ALS2: variants seen among roughly 807,000 people sequenced by gnomAD.
ALS2 encodes the protein alsin.
Under a neutral mutation model 203.4 loss-of-function variants are expected in ALS2, and 117 were observed. The ratio of observed to expected loss-of-function variants is 0.58; its 90% CI spans 0.50 to 0.67. The LOEUF (loss-of-function observed/expected upper bound fraction) is 0.67, where lower values mean the gene tolerates loss of function less well. Ranked by LOEUF, ALS2 falls within the 30% of genes least tolerant of loss-of-function variation. ALS2 has a pLI of 0.00. For missense variants in ALS2, 1,715 were observed against 1,989.4 expected (o/e 0.86, Z 2.62); for synonymous variants, 718 against 725.9 (o/e 0.99, Z 0.17).
chr2:201,743,534 G>C (rs186161102), intron 10 of ALS2, among the ~76,000 whole-genome samples: 1 of 152,068 alleles, frequency 6.6e-6, no homozygotes, highest in Admixed American at 6.6e-5. Flanking sequence ...ACCCAGGCTG[G>C]ACTGCAGTGG....
rs35807671 is a variant in ALS2, at chr2:201,713,133, CT to C, written c.4005-2026del. Reference sequence around the variant, plus strand: ...CCCTCATTCTTTCTCCTTTTCTTTTCTTTTTTTTTTTTTTTTTTTTGAGATG... The same window carrying C: ...CCCTCATTCTTTCTCCTTTTCTTTTCTTTTTTTTTTTTTTTTTTTGAGATG... On this transcript the variant is annotated intron_variant, in intron 25 of 33. Coordinates refer to ENST00000264276, the MANE Select transcript of ALS2 (RefSeq NM_020919.4). 6.4e-3 allele frequency among the ~76,000 whole-genome samples: 614 copies of C among 96,264 alleles called. 2 individuals carry two copies. The highest frequency in any genetic ancestry group is 0.023 in the African/African-American group (597 of 25,516). 63.2% of individuals were successfully genotyped at this position (96,264 alleles called of 152,430 possible). A position where few individuals can be genotyped will look rare whatever the true frequency, so the allele number is the denominator to read the frequency against.
chr2:201,751,234 T>C (rs1693030510), intron 7 of ALS2, among the ~76,000 whole-genome samples: 1 of 152,234 alleles, frequency 6.6e-6, no homozygotes, highest in Admixed American at 6.5e-5. Context: ...GATAAATTCC[T>C]AGGCAAAGAC....
chr2:201,717,111 T>C (rs1398888151), intron 24 of ALS2, among the ~76,000 whole-genome samples: 1 of 152,002 alleles, frequency 6.6e-6, no homozygotes, highest in African/African-American at 2.4e-5. Flanking sequence ...ACTTGGGGTG[T>C]GTGTGTGTGT....
At chr2:201,719,357 A>G (rs1690609305) in intron 23 of ALS2, among the ~76,000 whole-genome samples, 1 of 152,136 alleles carries the variant, frequency 6.6e-6, no homozygotes, top group Non-Finnish European at 1.5e-5. Context: ...TTGGGAGGCC[A>G]AGGTGGGCAG....
chr2:201,728,616 G>A lies in ALS2; in HGVS notation c.2737C>T (p.Arg913Ter), dbSNP rs371140239. The A allele has an allele frequency of 5.6e-6, 9 of 1,613,958 alleles. No individual in the cohort carries two copies. The highest frequency in any genetic ancestry group is 2.2e-5 in the East Asian group (1 of 44,896). The change falls in exon 15 of 34, where the codon CGA (arginine) becomes TGA (stop). Residue 913 changes from arginine to a stop codon, truncating the protein, a stop_gained. Coordinates refer to ENST00000264276, the MANE Select transcript of ALS2 (RefSeq NM_020919.4). LOFTEE classifies it high-confidence loss of function. Reference protein sequence around the residue: ...MTDSLRKPERRLLCESSNRAL... With the variant: ...MTDSLRKPER ...CGGTTACTACTCTCACACAGCAGTC[G>A]ACGCTCTGGCTTCCTCAAGGAATCC... is the stretch of plus-strand genomic sequence containing the variant.
At chr2:201,740,730 GA>G (rs1692215698) in intron 11 of ALS2, among the ~76,000 whole-genome samples, 1 of 152,184 alleles carries the variant, frequency 6.6e-6, no homozygotes, top group Non-Finnish European at 1.5e-5. Context: ...GGTTGGAAAG[GA>G]AATACACTAA....
intron 3 of ALS2, chr2:201,765,359 T>C (rs1158145863): frequency 6.3e-6 from 1 of 159,238 alleles, no homozygotes; most frequent in Non-Finnish European, 1.5e-5. Flanking sequence ...ATATTCCAAA[T>C]ATCTTATTGA....
Position 201,723,430 on chromosome 2 carries a change from T to A in ALS2, c.3524A>T (p.Tyr1175Phe). Residue 1175 changes from tyrosine (Y) to phenylalanine (F), a missense_variant, in exon 22 of 34, where the codon TAT becomes TTT. Tyr to Phe is a conservative substitution (Grantham distance 22). This residue lies in a region of ALS2 where 1,227 missense variants were observed against 1,413.5 expected (regional missense o/e 0.87). Transcript: ENST00000264276. ...VFDDITRGEKYMGMWQDDVCQ... is the reference protein window; with the variant it reads ...VFDDITRGEKFMGMWQDDVCQ... ...CACATCATCTTGCCACATTCCCATA[T>A]ACTTTTCCCCCCTGCACAGAAATAA... 6.2e-7 allele frequency: 1 copy of A among 1,613,576 alleles called. No homozygotes were observed. The highest frequency in any genetic ancestry group is 1.1e-5 in the South Asian group (1 of 91,078).
intron 24 of ALS2, among the ~76,000 whole-genome samples, chr2:201,717,805 T>TA (rs1414934180): frequency 2.6e-5 from 4 of 151,820 alleles, no homozygotes; most frequent in African/African-American, 9.7e-5. Context: ...CCGGGCATGG[T>TA]AGCGGGTGCC....
At chr2:201,757,950 C>T (rs1693501784) in intron 4 of ALS2, among the ~76,000 whole-genome samples, 191 bp from the exon 5 acceptor site, 1 of 152,174 alleles carries the variant, frequency 6.6e-6, no homozygotes, top group Non-Finnish European at 1.5e-5. Flanking sequence ...GAAATGAGTA[C>T]TCAAAATACA....
At chr2:201,717,961 TA>T (rs1274396788) in intron 24 of ALS2, 115 bp downstream of exon 24, 3 of 1,060,618 alleles carry the variant, frequency 2.8e-6, no homozygotes, top group East Asian at 2.7e-5. Context: ...TAAAATAAAA[TA>T]AAAAAGAAGA....
intron 9 of ALS2, among the ~76,000 whole-genome samples, 194 bp from the exon 10 acceptor site, chr2:201,744,623 T>G (rs1471121897): frequency 6.6e-6 from 1 of 152,126 alleles, no homozygotes; most frequent in Non-Finnish European, 1.5e-5. Flanking sequence ...AGACTAGGGT[T>G]TTTTTTGGGG....
At chr2:201,770,052 A>C (rs1421145025) in intron 1 of ALS2, among the ~76,000 whole-genome samples, 1 of 152,280 alleles carries the variant, frequency 6.6e-6, no homozygotes, top group Non-Finnish European at 1.5e-5. Flanking sequence ...CATTTAATAA[A>C]TACAATTAAG....
In ALS2 at chr2:201,701,078, A is replaced by G. The variant is rs1341368505; in HGVS notation, c.*773T>C. 1 of 152,658 alleles carries G rather than the reference A, an allele frequency of 6.6e-6. No homozygotes were observed. Among genetic ancestry groups the G allele is most frequent in the Non-Finnish European group, 1.5e-5 (1 of 68,042 alleles). The allele number at this position is 152,658 out of a possible 1,614,324, so 9.5% of individuals were successfully genotyped here. The stretch of plus-strand genomic sequence containing the variant: ...AGGCCTTGGAATACAGCGTTTGCAC[A>G]TGGACAAATGAGGTTCCTAGCAGCT... On this transcript the variant is annotated 3_prime_UTR_variant, in exon 34 of 34. Transcript: ENST00000264276.
intron 10 of ALS2, among the ~76,000 whole-genome samples, chr2:201,743,409 C>T (rs1420207396): frequency 4.6e-5 from 7 of 152,118 alleles, no homozygotes; most frequent in South Asian, 2.1e-4. Context: ...TGTATTACCC[C>T]GTCACTTCCA....
rs10655798 is a variant in ALS2, at chr2:201,769,002, TA to T, written c.-60-58del. 0.17 allele frequency: 102,304 copies of T among 597,952 alleles called. No individual in the cohort carries two copies. The highest frequency in any genetic ancestry group is 0.19 in the Non-Finnish European group (69,647 of 367,132). 37.0% of individuals were successfully genotyped at this position (597,952 alleles called of 1,614,324 possible). A position where few individuals can be genotyped will look rare whatever the true frequency, so the allele number is the denominator to read the frequency against. On this transcript the variant is annotated intron_variant, in intron 1 of 33. Coordinates refer to ENST00000264276, the MANE Select transcript of ALS2 (RefSeq NM_020919.4). ...AAAGAATATTTTACCCCTCAGACAT[TA>T]AAAAAAAAAAAAGCAGCCCTCTAAC...
intron 13 of ALS2, 103 bp downstream of exon 13, chr2:201,733,173 T>C: frequency 8.2e-7 from 1 of 1,214,936 alleles, no homozygotes; most frequent in Non-Finnish European, 1.2e-6. Context: ...CACAGGTAAA[T>C]ATTAAATTAC....
At chr2:201,714,636 A>G (rs1171928383) in intron 25 of ALS2, among the ~76,000 whole-genome samples, 1 of 152,190 alleles carries the variant, frequency 6.6e-6, no homozygotes. Context: ...AGAATCCCTA[A>G]AACAGCAGAT....
chr2:201,737,204 G>T (rs975362561), intron 12 of ALS2, among the ~76,000 whole-genome samples: 1 of 152,112 alleles, frequency 6.6e-6, no homozygotes, highest in African/African-American at 2.4e-5. Context: ...TATTTTATTA[G>T]ATGTTATAAG....
Sources: allele counts gnomAD v4.1 joint callset (sites outside exome capture counted in the v4.1 genomes callset), GRCh38; gene constraint gnomAD v4.1.1; regional missense constraint gnomAD v4.1.1; transcripts MANE v1.5; gene names NCBI Gene and HGNC (gene_info 2026-07-23, HGNC 2026-07-21).